SBF2: variants seen among roughly 807,000 people sequenced by gnomAD.
The protein encoded by SBF2 is SET binding factor 2.
A neutral mutation model predicts 225.2 loss-of-function variants in SBF2; 112 were observed. That is an observed-to-expected ratio of 0.50 (90% CI 0.43 to 0.58). The LOEUF (loss-of-function observed/expected upper bound fraction) is 0.58, where lower values mean the gene tolerates loss of function less well. Among genes scored for constraint, SBF2 ranks in the 20% least tolerant of loss-of-function variants. SBF2 has a pLI of 0.00. For synonymous variants in SBF2, 763 were observed against 773.3 expected (o/e 0.99, Z 0.22); for missense variants, 1,996 against 2,206.2 (o/e 0.90, Z 1.91).
intron 1 of SBF2, among the ~76,000 whole-genome samples, chr11:10,209,569 CAGAT>C (rs1466005841): frequency 3.3e-5 from 5 of 152,158 alleles, no homozygotes; most frequent in Admixed American, 6.5e-5. Context: ...CTTCTTGTAA[CAGAT>C]AGAGTATTTC....
chr11:10,302,188 G>A lies in SBF2; in HGVS notation n.386+2304C>T, dbSNP rs1231555584. ...TCCATAGAACCACTGAACCAGAAAT[G>A]CATTCTAGTGATTTTTTTTTGTCGT... On this transcript the variant is annotated intron_variant and non_coding_transcript_variant, in intron 1 of 5. Coordinates refer to the SBF2 transcript ENST00000685217. Among the ~76,000 whole-genome samples, 3 of 152,170 alleles carry A rather than the reference G, an allele frequency of 2.0e-5. 1 individual carries two copies. Among genetic ancestry groups the A allele is most frequent in the South Asian group, 2.1e-4 (1 of 4,836 alleles).
chr11:9,915,445 C>CAAA (rs60692182), intron 16 of SBF2, among the ~76,000 whole-genome samples: 1 of 109,654 alleles, frequency 9.1e-6, no homozygotes, highest in Non-Finnish European at 1.8e-5. Context: ...GAGTCCGTCT[C>CAAA]AAAAAAAAAA....
At chr11:10,203,129 A>G (rs1447632407) in intron 1 of SBF2, among the ~76,000 whole-genome samples, 1 of 152,102 alleles carries the variant, frequency 6.6e-6, no homozygotes, top group Non-Finnish European at 1.5e-5. Context: ...AACTGAAGCA[A>G]TTGAGGTGGG....
At chr11:10,302,460 TC>T (rs1240627868) in intron 1 of SBF2, among the ~76,000 whole-genome samples, 3 of 152,236 alleles carry the variant, frequency 2.0e-5, no homozygotes, top group African/African-American at 7.2e-5. Context: ...TTGACTTGGT[TC>T]TCAAGTGACA....
At chr11:9,787,576 C>T (rs1564852476) in intron 36 of SBF2, 58 bp downstream of exon 36, 2 of 1,466,022 alleles carry the variant, frequency 1.4e-6, no homozygotes, top group Non-Finnish European at 1.9e-6. Flanking sequence ...CAGGCTCCAC[C>T]TGACTTAGCA....
chr11:9,816,849 C>T lies in SBF2; in HGVS notation c.3969G>A (p.Ser1323=), dbSNP rs77833016. The T allele has an allele frequency of 1.6e-4, 259 of 1,614,016 alleles. No homozygotes were observed. In the African/African-American group the frequency reaches 2.3e-3, roughly 15 times the overall value. The change falls in exon 29 of 40, where the codon TCG becomes TCA. Residue 1323 remains serine (S), a synonymous_variant. Coordinates refer to ENST00000256190, the MANE Select transcript of SBF2 (RefSeq NM_030962.4). ...QAALYIFGEK[S]QLRNFKVEFA... ...AAAAAAGAAATCTTACCCTTAGTTG[C>T]GACTTTTCACCAAATATGTAAAGGG...
intron 16 of SBF2, among the ~76,000 whole-genome samples, chr11:9,920,932 T>C (rs141738116): frequency 3.8e-4 from 58 of 152,262 alleles, no homozygotes; most frequent in African/African-American, 7.0e-4. Context: ...TTCCCATTCA[T>C]TGCATACTTT....
At chr11:9,847,124 T>C (rs544151995) in intron 22 of SBF2, 41 bp from the exon 23 acceptor site, 8 of 1,612,168 alleles carry the variant, frequency 5.0e-6, no homozygotes, top group East Asian at 2.2e-5. Flanking sequence ...CAACACTTTA[T>C]AGCTCACTTT....
chr11:10,160,186 C>G (rs1422150624), intron 2 of SBF2, among the ~76,000 whole-genome samples: 1 of 152,098 alleles, frequency 6.6e-6, no homozygotes, highest in African/African-American at 2.4e-5. Context: ...CACCAAAAAT[C>G]TGTTAGAAGT....
intron 1 of SBF2, among the ~76,000 whole-genome samples, chr11:10,290,400 G>A (rs1565441609): frequency 6.6e-6 from 1 of 152,130 alleles, no homozygotes. Flanking sequence ...ACTCACTGGG[G>A]TGTGTCAGAG....
rs945551218 is a variant in SBF2 at position 10,022,674 on chromosome 11, T to C, written c.619+5778A>G. On this transcript the variant is annotated intron_variant, in intron 6 of 39. Transcript: ENST00000256190. Reference sequence around the variant, plus strand: ...ATTTAATATTTATCCACTTTCCTGATTTTTTTCTATAGGCAGTTTTTATCA... The same window carrying C: ...ATTTAATATTTATCCACTTTCCTGACTTTTTTCTATAGGCAGTTTTTATCA... Among the ~76,000 whole-genome samples, 4 of 152,116 alleles carry C rather than the reference T, an allele frequency of 2.6e-5. No homozygotes were observed. The East Asian group carries it at 7.7e-4, about 29-fold the overall frequency.
intron 6 of SBF2, among the ~76,000 whole-genome samples, chr11:10,023,940 A>G (rs188969929): frequency 1.1e-3 from 161 of 152,284 alleles, no homozygotes; most frequent in African/African-American, 3.7e-3. Flanking sequence ...TCAAGACTGT[A>G]TACACAAATA....
intron 1 of SBF2, among the ~76,000 whole-genome samples, chr11:10,284,799 T>C (rs1310598208): frequency 1.3e-5 from 2 of 152,020 alleles, no homozygotes; most frequent in African/African-American, 4.8e-5. Context: ...GTTTTTTTAA[T>C]TTTTAGTAGA....
intron 6 of SBF2, among the ~76,000 whole-genome samples, chr11:10,027,539 G>C (rs1700673632): frequency 6.6e-6 from 1 of 152,172 alleles, no homozygotes; most frequent in Non-Finnish European, 1.5e-5. Context: ...GCAGGGTATG[G>C]ACCTTAGGGA....
chr11:10,084,482 G>A (rs1189404417), intron 2 of SBF2, among the ~76,000 whole-genome samples: 3 of 152,114 alleles, frequency 2.0e-5, no homozygotes, highest in Non-Finnish European at 4.4e-5. Context: ...CTGTTGGGTG[G>A]GAATGTAAAT....
At position 9,858,253 on chromosome 11, in the gene SBF2, G is replaced by A; in HGVS notation, c.2073C>T (p.Asp691=). Reference sequence around the variant, plus strand: ...TTTGCTTCAGATGCGGGGCATGATTGTCTTCCTTGGCTGAGAGATAAAGGG... The same window carrying A: ...TTTGCTTCAGATGCGGGGCATGATTATCTTCCTTGGCTGAGAGATAAAGGG... ...VRSLYLSAKE[D]NHAPHLKQKD... Residue 691 remains aspartate, a synonymous_variant, in exon 18 of 40, where the codon GAC becomes GAT. Coordinates refer to ENST00000256190, the MANE Select transcript of SBF2 (RefSeq NM_030962.4). 3 of 1,614,176 alleles carry A rather than the reference G, an allele frequency of 1.9e-6. No homozygotes were observed. Among genetic ancestry groups the A allele is most frequent in the Non-Finnish European group, 2.5e-6 (3 of 1,180,026 alleles).
At position 9,963,588 on chromosome 11, in the gene SBF2, A is replaced by ATAAT. The variant is rs530782404; in HGVS notation, c.1710+181_1710+184dup. ...CTATGAATATATTTCTGGTGGTCAT[A>ATAAT]TAATTAAGCTTGGCCCAACAGCTTT... On this transcript the variant is annotated intron_variant, in intron 15 of 39. Transcript: ENST00000256190. Among the ~76,000 whole-genome samples the ATAAT allele has an allele frequency of 3.8e-3, 579 of 152,374 alleles. 4 individuals are homozygous for ATAAT. The highest frequency in any genetic ancestry group is 5.4e-3 in the South Asian group (26 of 4,830).
rs190418403 is a variant in SBF2, at chr11:10,133,532, G to A, written c.141+60370C>T. On this transcript the variant is annotated intron_variant, in intron 2 of 39. Transcript: ENST00000256190. ...TGCTGGGGGACTCAGTACACCCTCC[G>A]CAGCCACTGGCCTGGGTGCTAAGTC... 1.5e-4 allele frequency among the ~76,000 whole-genome samples: 20 copies of A among 135,408 alleles called. 3 individuals are homozygous for A. Among genetic ancestry groups the A allele is most frequent in the Non-Finnish European group, 2.1e-4 (12 of 58,510 alleles). The allele number at this position is 135,408 out of a possible 152,430, so 88.8% of individuals were successfully genotyped here.
intron 1 of SBF2, among the ~76,000 whole-genome samples, chr11:10,277,688 C>T (rs1189524267): frequency 6.6e-6 from 1 of 152,054 alleles, no homozygotes; most frequent in African/African-American, 2.4e-5. Context: ...CAATGATTAG[C>T]ATCTTTATAA....
Sources: allele counts gnomAD v4.1 joint callset (sites outside exome capture counted in the v4.1 genomes callset), GRCh38; gene constraint gnomAD v4.1.1; transcripts MANE v1.5; gene names NCBI Gene and HGNC (gene_info 2026-07-23, HGNC 2026-07-21).